The following SHC3 variants were observed in gnomAD, a reference collection of about 807,000 sequenced individuals.
SHC3 encodes the protein SHC adaptor protein 3, also known as SHC-transforming protein 3.
In SHC3, 15 loss-of-function variants were observed where a neutral mutation model predicts 60.4. That is an observed-to-expected ratio of 0.25 (90% confidence interval 0.17 to 0.38). The LOEUF is 0.38. SHC3 is among the 10% of genes least tolerant of loss of function. SHC3 has a pLI of 1.00. For missense variants in SHC3, 677 were observed against 786.1 expected (o/e 0.86, Z 1.66); for synonymous variants, 294 against 325.9 (o/e 0.90, Z 1.05).
intron 2 of SHC3, chr9:89,088,737 G>T (rs1463089716): frequency 6.6e-6 from 1 of 152,296 alleles, no homozygotes; most frequent in Non-Finnish European, 1.5e-5. Flanking sequence ...AGGGAGAGGG[G>T]CCTGCACGGA....
chr9:89,115,011 T>C (rs2183665), intron 1 of SHC3, among the ~76,000 whole-genome samples: 139,461 of 152,230 alleles, frequency 0.92, 63,928 homozygotes, highest in East Asian at 0.98. Context: ...ACAACACTAC[T>C]GTCACAGGGT....
At chr9:89,050,903 CTT>C (rs5899064) in intron 7 of SHC3, among the ~76,000 whole-genome samples, 1 of 144,462 alleles carries the variant, frequency 6.9e-6, no homozygotes, top group African/African-American at 2.5e-5. Context: ...TTCTTTCGTT[CTT>C]TTTTTTTTTT....
chr9:89,147,484 T>C (rs534603915), intron 1 of SHC3, among the ~76,000 whole-genome samples: 1 of 152,218 alleles, frequency 6.6e-6, no homozygotes, highest in East Asian at 1.9e-4. Flanking sequence ...CTGGAATCCC[T>C]TTTTTCCTTC....
chr9:89,158,889 T>C (rs1262565156), intron 1 of SHC3, among the ~76,000 whole-genome samples: 2 of 152,214 alleles, frequency 1.3e-5, no homozygotes, highest in African/African-American at 2.4e-5. Context: ...ATTTGCTTTG[T>C]TGGGTGGGCA....
intron 1 of SHC3, among the ~76,000 whole-genome samples, chr9:89,170,442 T>C (rs1334777734): frequency 1.3e-5 from 2 of 152,186 alleles, no homozygotes; most frequent in African/African-American, 4.8e-5. Context: ...GGCCAGGAGT[T>C]CAGGACCAGT....
chr9:89,161,356 C>G (rs947398305), intron 1 of SHC3, among the ~76,000 whole-genome samples: 1 of 152,152 alleles, frequency 6.6e-6, no homozygotes, highest in South Asian at 2.1e-4. Context: ...TGCCTACTCC[C>G]CACGTCACCT....
chr9:89,087,289 G>C (rs1825546066), intron 2 of SHC3, among the ~76,000 whole-genome samples: 1 of 152,108 alleles, frequency 6.6e-6, no homozygotes. Flanking sequence ...TGATCCCTAG[G>C]GTGAAGATCA....
intron 1 of SHC3, among the ~76,000 whole-genome samples, chr9:89,157,148 C>T (rs138961935): frequency 3.3e-3 from 502 of 152,302 alleles, no homozygotes; most frequent in Non-Finnish European, 6.0e-3. Context: ...CCACTACAAA[C>T]CTCAATAAAT....
chr9:89,028,821 CAT>C (rs200472200), intron 11 of SHC3, among the ~76,000 whole-genome samples: 3 of 145,130 alleles, frequency 2.1e-5, no homozygotes, highest in African/African-American at 7.5e-5. Context: ...CTATATATAG[CAT>C]ATATATACAC....
At chr9:89,074,667 C>A in intron 4 of SHC3, among the ~76,000 whole-genome samples, 1 of 124,936 alleles carries the variant, frequency 8.0e-6, no homozygotes, top group African/African-American at 3.1e-5. Flanking sequence ...CTACAAGATG[C>A]TCCAAAACAA....
At chr9:89,141,360 C>T (rs1826390570) in intron 1 of SHC3, among the ~76,000 whole-genome samples, 1 of 152,200 alleles carries the variant, frequency 6.6e-6, no homozygotes, top group Non-Finnish European at 1.5e-5. Context: ...TACAGAAAGA[C>T]ACACAAATCA....
intron 5 of SHC3, among the ~76,000 whole-genome samples, chr9:89,070,392 T>C (rs1350619606): frequency 6.6e-6 from 1 of 152,204 alleles, no homozygotes; most frequent in Non-Finnish European, 1.5e-5. Context: ...TGTGCCTCAC[T>C]CCTTTGTGAC....
chr9:89,051,901 G>C, intron 7 of SHC3, 136 bp downstream of exon 7: 3 of 1,276,092 alleles, frequency 2.4e-6, no homozygotes, highest in Non-Finnish European at 3.2e-6. Flanking sequence ...TCCCAGCACC[G>C]ACCAGGTGTC....
intron 2 of SHC3, among the ~76,000 whole-genome samples, chr9:89,084,795 A>G (rs1052456423): frequency 7.9e-5 from 12 of 152,198 alleles, no homozygotes; most frequent in Non-Finnish European, 1.8e-4. Flanking sequence ...GGCAATGAGG[A>G]AGAAGCCTCC....
At chr9:89,018,098 C>T (rs1181478821) in intron 11 of SHC3, among the ~76,000 whole-genome samples, 5 of 152,188 alleles carry the variant, frequency 3.3e-5, no homozygotes. Flanking sequence ...CCTCAAAGAT[C>T]TAGAACCAGA....
chr9:89,167,971 G>A (rs1458247422), intron 1 of SHC3, among the ~76,000 whole-genome samples: 1 of 152,136 alleles, frequency 6.6e-6, no homozygotes, highest in African/African-American at 2.4e-5. Flanking sequence ...TGATTCCAGG[G>A]GCAGGCGGCC....
At chr9:89,097,145 A>G (rs1825716809) in intron 2 of SHC3, among the ~76,000 whole-genome samples, 1 of 150,150 alleles carries the variant, frequency 6.7e-6, no homozygotes, top group African/African-American at 2.5e-5. Flanking sequence ...CAAGGCCACA[A>G]GCCATCTCCT....
At position 89,038,015 on chromosome 9, in the gene SHC3, A is replaced by C. The variant is rs780414973; in HGVS notation, c.1634T>G (p.Leu545Arg). 4.3e-6 allele frequency: 7 copies of C among 1,611,038 alleles called. No individual in the cohort carries two copies. In the South Asian group the frequency reaches 7.7e-5, roughly 18 times the overall value. The change falls in exon 11 of 12, where the codon CTG becomes CGG. Residue 545 changes from leucine to arginine, a missense_variant. Coordinates refer to ENST00000375835, the MANE Select transcript of SHC3 (RefSeq NM_016848.6). ...CACCGTGCCTTCTGGGTCCACGAGCAGCAGGTGCTTGGCCTGGCCATTGTG... is the reference window on the plus strand; with the variant it reads ...CACCGTGCCTTCTGGGTCCACGAGCCGCAGGTGCTTGGCCTGGCCATTGTG... ...GMHNGQAKHL[L>R]LVDPEGTIRT... is the part of the protein sequence containing the mutation.
In SHC3 at chr9:89,013,267, T is replaced by G; in HGVS notation, c.*180A>C. 5.5e-6 allele frequency: 3 copies of G among 548,074 alleles called. No individual in the cohort carries two copies. The highest frequency in any genetic ancestry group is 8.8e-6 in the Non-Finnish European group (3 of 341,938). 34.0% of individuals were successfully genotyped at this position (548,074 alleles called of 1,614,324 possible). ...TGTATAGGTATGTACACCTTTAATA[T>G]GCATATGAGAAATTCAGAACCAAGT... On this transcript the variant is annotated 3_prime_UTR_variant, in exon 12 of 12. Coordinates refer to ENST00000375835, the MANE Select transcript of SHC3 (RefSeq NM_016848.6).
Sources: gnomAD v4.1 joint callset for allele counts (sites outside exome capture counted in the v4.1 genomes callset) on GRCh38, gnomAD v4.1.1 for gene constraint, MANE v1.5 for transcripts, NCBI Gene and HGNC (gene_info 2026-07-23, HGNC 2026-07-21) for gene names.